The following ARHGAP24 variants were observed in gnomAD, a reference collection of about 807,000 sequenced individuals.
The protein encoded by ARHGAP24 is Rho GTPase activating protein 24.
Under a neutral mutation model 76.4 loss-of-function variants are expected in ARHGAP24, and 50 were observed. That is an observed-to-expected ratio of 0.65 (90% CI 0.52 to 0.83). The LOEUF (loss-of-function observed/expected upper bound fraction) is 0.83. Ranked by LOEUF, ARHGAP24 falls within the 40% of genes least tolerant of loss-of-function variation. The pLI is 0.00. For missense variants in ARHGAP24, 930 were observed against 914.2 expected (o/e 1.02, Z -0.22); for synonymous variants, 345 against 323.3 (o/e 1.07, Z -0.72).
chr4:85,656,624 T>A (rs1243292749), intron 2 of ARHGAP24, among the ~76,000 whole-genome samples: 1 of 152,030 alleles, frequency 6.6e-6, no homozygotes, highest in Non-Finnish European at 1.5e-5. Context: ...TGTGGCACCA[T>A]GACCAGCTAA....
chr4:85,661,231 C>T (rs1388541774), intron 2 of ARHGAP24, among the ~76,000 whole-genome samples: 5 of 147,658 alleles, frequency 3.4e-5, no homozygotes, highest in Non-Finnish European at 5.9e-5. Flanking sequence ...AACAATCAGC[C>T]GATAAAAAAA....
intron 2 of ARHGAP24, among the ~76,000 whole-genome samples, chr4:85,693,856 G>A (rs895089397): frequency 1.3e-5 from 2 of 152,186 alleles, no homozygotes; most frequent in African/African-American, 2.4e-5. Flanking sequence ...ATCAAGGCCC[G>A]TGGCTCCACG....
chr4:85,528,774 G>A (rs959727250), intron 1 of ARHGAP24, among the ~76,000 whole-genome samples: 4 of 152,014 alleles, frequency 2.6e-5, no homozygotes, highest in Non-Finnish European at 5.9e-5. Context: ...CTATCTCCAC[G>A]TCATGTCCTC....
At chr4:85,942,944 T>A (rs1168093987) in intron 5 of ARHGAP24, among the ~76,000 whole-genome samples, 1 of 152,128 alleles carries the variant, frequency 6.6e-6, no homozygotes, top group Non-Finnish European at 1.5e-5. Context: ...CAGAAATGTT[T>A]TCATATTAAT....
intron 2 of ARHGAP24, among the ~76,000 whole-genome samples, chr4:85,694,266 G>A (rs555044581): frequency 2.0e-5 from 3 of 151,874 alleles, no homozygotes; most frequent in Admixed American, 6.6e-5. Context: ...GAGAAACTAC[G>A]GGATTGTTCA....
At chr4:85,478,862 C>A (rs1343015218) in intron 1 of ARHGAP24, among the ~76,000 whole-genome samples, 1 of 152,160 alleles carries the variant, frequency 6.6e-6, no homozygotes, top group African/African-American at 2.4e-5. Context: ...ATCTTGTCTG[C>A]TTCTATAGCA....
chr4:85,702,335 C>T (rs1003006302), intron 2 of ARHGAP24, among the ~76,000 whole-genome samples: 4 of 152,132 alleles, frequency 2.6e-5, no homozygotes, highest in African/African-American at 9.7e-5. Flanking sequence ...AACAGATGTA[C>T]ATTGTATTTA....
chr4:85,750,416 T>C (rs1230036913), intron 3 of ARHGAP24, among the ~76,000 whole-genome samples: 2 of 151,560 alleles, frequency 1.3e-5, no homozygotes, highest in Non-Finnish European at 2.9e-5. Context: ...CAGATACTTC[T>C]TAATCCCAGA....
chr4:85,540,026 T>G (rs981663983), intron 1 of ARHGAP24, among the ~76,000 whole-genome samples: 14 of 151,930 alleles, frequency 9.2e-5, no homozygotes, highest in African/African-American at 3.4e-4. Context: ...GCCTAGGCAA[T>G]GGAGTAAGCC....
chr4:85,951,443 C>A (rs1283127045), intron 5 of ARHGAP24, among the ~76,000 whole-genome samples: 1 of 152,140 alleles, frequency 6.6e-6, no homozygotes, highest in African/African-American at 2.4e-5. Flanking sequence ...TGCCAGGGAA[C>A]GTTCGTTAGT....
At chr4:85,640,658 GC>G (rs1174635852) in intron 2 of ARHGAP24, among the ~76,000 whole-genome samples, 3 of 152,112 alleles carry the variant, frequency 2.0e-5, no homozygotes, top group African/African-American at 7.2e-5. Flanking sequence ...GTCAGCCTTT[GC>G]CCTCAAAGGA....
At chr4:85,594,845 G>A (rs1365222436) in intron 2 of ARHGAP24, among the ~76,000 whole-genome samples, 4 of 151,978 alleles carry the variant, frequency 2.6e-5, no homozygotes, top group African/African-American at 7.2e-5. Flanking sequence ...CTACGTATGA[G>A]GTGAAAAAGA....
At chr4:85,835,533 G>T (rs1167486627) in intron 3 of ARHGAP24, among the ~76,000 whole-genome samples, 2 of 139,872 alleles carry the variant, frequency 1.4e-5, no homozygotes, top group Admixed American at 1.5e-4. Context: ...TCCAGCCTGG[G>T]TGACAGAGTG....
At chr4:85,486,305 T>C (rs1211452243) in intron 1 of ARHGAP24, among the ~76,000 whole-genome samples, 3 of 152,044 alleles carry the variant, frequency 2.0e-5, no homozygotes, top group African/African-American at 4.8e-5. Context: ...TGACAATGAC[T>C]GGATGAAGCT....
At chr4:85,853,992 G>A (rs1057491161) in intron 3 of ARHGAP24, among the ~76,000 whole-genome samples, 4 of 150,844 alleles carry the variant, frequency 2.7e-5, no homozygotes, top group South Asian at 2.1e-4. Flanking sequence ...CCAATTAGCC[G>A]GGCGTGGTGG....
chr4:86,000,012 A>T (rs1446414635), intron 9 of ARHGAP24: 1 of 169,154 alleles, frequency 5.9e-6, no homozygotes, highest in Non-Finnish European at 1.3e-5. Flanking sequence ...CTTAGCAGTG[A>T]ACTTAACCAA....
At chr4:85,540,031 T>C (rs72967861) in intron 1 of ARHGAP24, among the ~76,000 whole-genome samples, 18,762 of 151,942 alleles carry the variant, frequency 0.12, 3,264 homozygotes, top group African/African-American at 0.39. Context: ...GGCAATGGAG[T>C]AAGCCTCTGT....
At chr4:85,653,010 G>A (rs56853324) in intron 2 of ARHGAP24, among the ~76,000 whole-genome samples, 59,272 of 151,718 alleles carry the variant, frequency 0.39, 13,041 homozygotes, top group East Asian at 0.84. Flanking sequence ...AACTCTTGAG[G>A]CATATTAATA....
intron 3 of ARHGAP24, among the ~76,000 whole-genome samples, chr4:85,833,904 A>C (rs549944278): frequency 6.6e-6 from 1 of 152,366 alleles, no homozygotes; most frequent in East Asian, 1.9e-4. Flanking sequence ...GAACACAGGC[A>C]CTGGGATCAG....
Sources: gnomAD v4.1 joint callset for allele counts (sites outside exome capture counted in the v4.1 genomes callset) on GRCh38, gnomAD v4.1.1 for gene constraint, MANE v1.5 for transcripts, NCBI Gene and HGNC (gene_info 2026-07-23, HGNC 2026-07-21) for gene names.